COPG1: variants seen among roughly 807,000 people sequenced by gnomAD.
COPG1 encodes coat protein complex I subunit gamma 1, also known as coatomer subunit gamma-1.
In COPG1, 29 loss-of-function variants were observed where a neutral mutation model predicts 102.8. The ratio of observed to expected loss-of-function variants is 0.28; its 90% CI spans 0.21 to 0.38. The LOEUF (loss-of-function observed/expected upper bound fraction) is 0.38. Among genes scored for constraint, COPG1 ranks in the 10% least tolerant of loss-of-function variants. The pLI is 1.00. For missense variants in COPG1, 875 were observed against 1,132.7 expected (o/e 0.77, Z 3.27); for synonymous variants, 406 against 421.6 (o/e 0.96, Z 0.45).
intron 23 of COPG1, among the ~76,000 whole-genome samples, chr3:129,276,862 C>T (rs1940280505): frequency 7.4e-6 from 1 of 134,900 alleles, no homozygotes. Flanking sequence ...CTAGCTCTGT[C>T]ACCCAGGCTG....
intron 20 of COPG1, 125 bp from the exon 21 acceptor site, chr3:129,272,682 G>T (rs1327588115): frequency 1.3e-5 from 8 of 636,240 alleles, no homozygotes; most frequent in Non-Finnish European, 2.2e-5. Context: ...GCTTGTTGCT[G>T]CTACTAATAA....
intron 5 of COPG1, chr3:129,254,358 CAG>C (rs1191885549): frequency 2.8e-5 from 8 of 287,058 alleles, no homozygotes; most frequent in Non-Finnish European, 4.6e-5. Context: ...GCTGAGGAAA[CAG>C]CACATGCAAA....
Position 129,256,941 on chromosome 3 carries a change from A to G in COPG1, c.580-529A>G, listed in dbSNP as rs1939822085. 1.3e-5 allele frequency among the ~76,000 whole-genome samples: 2 copies of G among 152,222 alleles called. 1 individual carries two copies. The highest frequency in any genetic ancestry group is 4.1e-4 in the South Asian group (2 of 4,838). ...TGAGACCTCACATCTTTAGAAAGGG[A>G]GTCTCTGGGCTTCTGGCCCTCCAGG... On this transcript the variant is annotated intron_variant, in intron 8 of 23. Coordinates refer to ENST00000314797, the MANE Select transcript of COPG1 (RefSeq NM_016128.4).
At position 129,275,009 on chromosome 3, in the gene COPG1, T is replaced by C. The variant is rs1560068925; in HGVS notation, c.2395+33T>C. Reference sequence around the variant, plus strand: ...CCTGGGAATGCCATCTCTGGCCTAATTACTGTTCAAGATCTTTGGCTACTA... The same window carrying C: ...CCTGGGAATGCCATCTCTGGCCTAACTACTGTTCAAGATCTTTGGCTACTA... On this transcript the variant is annotated intron_variant, in intron 22 of 23. Coordinates refer to ENST00000314797, the MANE Select transcript of COPG1 (RefSeq NM_016128.4). This position sits in a 1 kb window ranked among gnomAD's most constrained non-coding sequence, Gnocchi z 5.0. 3 of 1,611,324 alleles carry C rather than the reference T, an allele frequency of 1.9e-6. No individual in the cohort carries two copies. Among genetic ancestry groups the C allele is most frequent in the Non-Finnish European group, 2.5e-6 (3 of 1,177,814 alleles).
chr3:129,260,826 A>G lies in COPG1; in HGVS notation c.1128+19A>G. On this transcript the variant is annotated intron_variant, in intron 12 of 23. Transcript: ENST00000314797. Reference sequence around the variant, plus strand: ...ATTCAAGGTACCTGCTACCCCCAGGACACCCACGGCCCCCAGAGGAAGGAG... The same window carrying G: ...ATTCAAGGTACCTGCTACCCCCAGGGCACCCACGGCCCCCAGAGGAAGGAG... 1 of 1,610,028 alleles carries G rather than the reference A, an allele frequency of 6.2e-7. No homozygotes were observed. Among genetic ancestry groups the G allele is most frequent in the Non-Finnish European group, 8.5e-7 (1 of 1,178,608 alleles).
chr3:129,268,062 T>C (rs764449380), intron 16 of COPG1, 22 bp downstream of exon 16: 8 of 1,578,130 alleles, frequency 5.1e-6, no homozygotes, highest in South Asian at 2.2e-5. Flanking sequence ...CCTGGCTATC[T>C]TGGACTCAGC....
intron 12 of COPG1, 33 bp downstream of exon 12, chr3:129,260,840 C>T (rs1939912773): frequency 1.2e-6 from 2 of 1,602,860 alleles, no homozygotes; most frequent in Admixed American, 3.3e-5. Context: ...CCACGGCCCC[C>T]AGAGGAAGGA....
chr3:129,273,284 A>G (rs141236834), intron 21 of COPG1, among the ~76,000 whole-genome samples: 2,542 of 152,338 alleles, frequency 0.017, 77 homozygotes, highest in African/African-American at 0.057. Context: ...TTGGCCTCCC[A>G]AAGTGTTGGG....
chr3:129,253,922 C>G (rs1315294146), intron 5 of COPG1, among the ~76,000 whole-genome samples: 1 of 146,894 alleles, frequency 6.8e-6, no homozygotes, highest in African/African-American at 2.5e-5. Context: ...ATTGCTTGAA[C>G]TGGGGAGGTG....
At chr3:129,253,347 A>G (rs989024458) in intron 5 of COPG1, among the ~76,000 whole-genome samples, 4 of 152,218 alleles carry the variant, frequency 2.6e-5, no homozygotes, top group African/African-American at 9.6e-5. Flanking sequence ...AAGTGTAATC[A>G]CTGCCCTTAA....
At chr3:129,249,829 G>A (rs961369096) in intron 1 of COPG1, 83 bp downstream of exon 1, 1 of 1,447,488 alleles carries the variant, frequency 6.9e-7, no homozygotes, top group Admixed American at 2.1e-5. Context: ...CTGACCCGGA[G>A]GCTGAGGCCC....
chr3:129,260,497 A>G, intron 11 of COPG1, 97 bp downstream of exon 11: 1 of 1,511,388 alleles, frequency 6.6e-7, no homozygotes. Flanking sequence ...AGCCCTGGTC[A>G]CAGTTAGTTT....
At chr3:129,258,021 G>A (rs1304302861) in intron 10 of COPG1, among the ~76,000 whole-genome samples, 161 bp downstream of exon 10, 1 of 152,230 alleles carries the variant, frequency 6.6e-6, no homozygotes, top group African/African-American at 2.4e-5. Flanking sequence ...GTCCCCACTT[G>A]TATCACGTTT....
intron 23 of COPG1, among the ~76,000 whole-genome samples, chr3:129,276,649 TC>T (rs1177312483): frequency 6.6e-6 from 1 of 152,068 alleles, no homozygotes; most frequent in African/African-American, 2.4e-5. Context: ...GGTGGGGCTG[TC>T]CCCTTCATTT....
intron 12 of COPG1, 80 bp downstream of exon 12, chr3:129,260,887 C>A: frequency 1.4e-6 from 2 of 1,429,818 alleles, no homozygotes; most frequent in South Asian, 1.2e-5. Context: ...AGCCTTCCTG[C>A]CAGGACTGAC....
At chr3:129,261,686 G>A (rs561740615) in intron 12 of COPG1, among the ~76,000 whole-genome samples, 1 of 152,132 alleles carries the variant, frequency 6.6e-6, no homozygotes, top group South Asian at 2.1e-4. Flanking sequence ...AGTGACACTG[G>A]CATGACCCAT....
At chr3:129,254,482 T>C in intron 5 of COPG1, 186 bp from the exon 6 acceptor site, 1 of 536,112 alleles carries the variant, frequency 1.9e-6, no homozygotes, top group Non-Finnish European at 3.3e-6. Flanking sequence ...GATGACCTGT[T>C]TGGTTTTGAG....
chr3:129,266,061 T>C (rs945609290), intron 14 of COPG1, among the ~76,000 whole-genome samples: 1 of 151,650 alleles, frequency 6.6e-6, no homozygotes, highest in African/African-American at 2.4e-5. Context: ...AACCTCCGCC[T>C]CCCGGGTTCA....
chr3:129,264,257 G>GA (rs1246018018), intron 13 of COPG1, among the ~76,000 whole-genome samples: 1 of 152,224 alleles, frequency 6.6e-6, no homozygotes, highest in African/African-American at 2.4e-5. Context: ...CAGAAGATGG[G>GA]AAAATGCATG....
Sources: allele counts gnomAD v4.1 joint callset (sites outside exome capture counted in the v4.1 genomes callset), GRCh38; gene constraint gnomAD v4.1.1; non-coding constraint Gnocchi (gnomAD v3.1); transcripts MANE v1.5; gene names NCBI Gene and HGNC (gene_info 2026-07-23, HGNC 2026-07-21).